The following ZNF701 variants were observed in gnomAD, a reference collection of about 807,000 sequenced individuals.
ZNF701 encodes zinc finger protein 701.
ZNF701 carries 6 observed loss-of-function variants against 7.1 expected under a neutral mutation model. The observed-to-expected ratio is 0.84, with a 90% CI of 0.46 to 1.66. The LOEUF is 1.66. Ranked by LOEUF, ZNF701 falls within the 40% of genes most tolerant of loss-of-function variation. ZNF701 has a pLI of 0.01. For missense variants in ZNF701, 541 were observed against 559.2 expected, an observed-to-expected ratio of 0.97 and a Z score of 0.33; for synonymous variants, 166 against 188.2, an observed-to-expected ratio of 0.88 and a Z score of 0.97.
Position 52,586,775 on chromosome 19 carries a change from T to C in ZNF701, c.*3318T>C, listed in dbSNP as rs1298822275. 6.6e-6 allele frequency: 1 copy of C among 152,160 alleles called. No homozygotes were observed. The highest frequency in any genetic ancestry group is 1.5e-5 in the Non-Finnish European group (1 of 68,038). The allele number at this position is 152,160 out of a possible 1,614,324, so 9.4% of individuals were successfully genotyped here. A position where few individuals can be genotyped will look rare whatever the true frequency, so the allele number is the denominator to read the frequency against. On this transcript the variant is annotated 3_prime_UTR_variant, in exon 4 of 4. Coordinates refer to ENST00000391785, the MANE Select transcript of ZNF701 (RefSeq NM_018260.3). ...AGAGTGACACTGACCCCTGAAATGA[T>C]GGGCACAATGGAGTGTGTGGCTTTT... is the stretch of plus-strand genomic sequence containing the variant.
chr19:52,595,791 G>C, the ZNF701 span: 1 of 1,603,406 alleles, frequency 6.2e-7, no homozygotes, highest in Admixed American at 1.7e-5. Context: ...GAAATTTAAA[G>C]AAATGGCCAT....
chr19:52,571,783 A>G (rs1264764475), intron 1 of ZNF701, among the ~76,000 whole-genome samples: 1 of 150,656 alleles, frequency 6.6e-6, no homozygotes, highest in Non-Finnish European at 1.5e-5. Flanking sequence ...CTTGTTGCCC[A>G]GGCTGGAGTG....
rs1292349566 is a variant in ZNF701 at position 52,584,961 on chromosome 19, G to C, written c.*1504G>C. The C allele has an allele frequency of 6.6e-6, 1 of 152,326 alleles. No homozygotes were observed. The highest frequency in any genetic ancestry group is 1.9e-4 in the East Asian group (1 of 5,184). The allele number at this position is 152,326 out of a possible 1,614,324, so 9.4% of individuals were successfully genotyped here. ...AAGCTGATGGCATGGACTGAAGGTT[G>C]CCCCGTTGAGTTTGCGCTTCCCAGT... On this transcript the variant is annotated 3_prime_UTR_variant, in exon 4 of 4. Transcript: ENST00000391785.
chr19:52,592,322 C>G, the ZNF701 span: 4 of 1,261,866 alleles, frequency 3.2e-6, no homozygotes, highest in Non-Finnish European at 4.4e-6. Context: ...TTGCCCCATA[C>G]ATGCTTTTCA....
the ZNF701 span, chr19:52,595,583 T>A: frequency 2.1e-6 from 2 of 944,110 alleles, no homozygotes; most frequent in Non-Finnish European, 3.1e-6. Flanking sequence ...CATCTGTACT[T>A]AATTGGAAAC....
chr19:52,581,217 G>A (rs762126652), intron 3 of ZNF701, among the ~76,000 whole-genome samples: 45 of 152,110 alleles, frequency 3.0e-4, no homozygotes, highest in Non-Finnish European at 5.4e-4. Context: ...AGAAAAATAC[G>A]GTGTTAACAT....
chr19:52,584,072 C>G lies in ZNF701; in HGVS notation c.*615C>G. On this transcript the variant is annotated 3_prime_UTR_variant, in exon 4 of 4. Transcript: ENST00000391785. Reference sequence around the variant, plus strand: ...ATGATTGTGAGCAAAGCCTTTACTTCACGTTCACACCACATTAGATATCAG... The same window carrying G: ...ATGATTGTGAGCAAAGCCTTTACTTGACGTTCACACCACATTAGATATCAG... The G allele has an allele frequency of 2.2e-6, 1 of 446,936 alleles. No homozygotes were observed. The highest frequency in any genetic ancestry group is 6.5e-5 in the East Asian group (1 of 15,376). The allele number at this position is 446,936 out of a possible 1,614,324, so 27.7% of individuals were successfully genotyped here.
intron 1 of ZNF701, among the ~76,000 whole-genome samples, chr19:52,571,657 G>T (rs1450927685): frequency 1.3e-5 from 2 of 151,972 alleles, no homozygotes; most frequent in Non-Finnish European, 1.5e-5. Flanking sequence ...ACCGCACCTG[G>T]CCACCCAAGC....
chr19:52,580,136 G>A (rs1286508821), intron 3 of ZNF701, among the ~76,000 whole-genome samples: 1 of 140,110 alleles, frequency 7.1e-6, no homozygotes, highest in Admixed American at 6.8e-5. Context: ...GTAGAGATGG[G>A]GTTTCTCTGT....
chr19:52,574,582 G>A lies in ZNF701; in HGVS notation c.15+420G>A, dbSNP rs561646674. ...AATTCTAGAAAAGGAGACCAATAAG[G>A]GAAAATCTTTTCTCCCTAATTTTAT... On this transcript the variant is annotated intron_variant, in intron 2 of 3. Coordinates refer to ENST00000391785, the MANE Select transcript of ZNF701 (RefSeq NM_018260.3). Among the ~76,000 whole-genome samples, 5 of 152,144 alleles carry A rather than the reference G, an allele frequency of 3.3e-5. No individual in the cohort carries two copies. In the South Asian group the frequency reaches 1.0e-3, roughly 32 times the overall value.
At position 52,585,976 on chromosome 19, in the gene ZNF701, C is replaced by G. The variant is rs916609930; in HGVS notation, c.*2519C>G. 1 of 151,962 alleles carries G rather than the reference C, an allele frequency of 6.6e-6. No homozygotes were observed. Among genetic ancestry groups the G allele is most frequent in the Non-Finnish European group, 1.5e-5 (1 of 68,100 alleles). 9.4% of individuals were successfully genotyped at this position (151,962 alleles called of 1,614,324 possible). A position where few individuals can be genotyped will look rare whatever the true frequency, so the allele number is the denominator to read the frequency against. ...CCTTTTAGTCTAGTTTTGGAAAGTTCGCGTTAATTGGTTTTAGATTCCCTG... is the reference window on the plus strand; with the variant it reads ...CCTTTTAGTCTAGTTTTGGAAAGTTGGCGTTAATTGGTTTTAGATTCCCTG... On this transcript the variant is annotated 3_prime_UTR_variant, in exon 4 of 4. Coordinates refer to ENST00000391785, the MANE Select transcript of ZNF701 (RefSeq NM_018260.3).
chr19:52,581,684 T>C (rs986148837), intron 3 of ZNF701, among the ~76,000 whole-genome samples: 5 of 152,206 alleles, frequency 3.3e-5, no homozygotes, highest in African/African-American at 1.2e-4. Flanking sequence ...ACCTGCCTAA[T>C]TTTTGTAATA....
chr19:52,583,034 TTACAA>T lies in ZNF701; in HGVS notation c.976_980del (p.Tyr326MetfsTer2). 19 of 1,613,760 alleles carry T rather than the reference TTACAA, an allele frequency of 1.2e-5. No individual in the cohort carries two copies. The highest frequency in any genetic ancestry group is 1.6e-5 in the Non-Finnish European group (19 of 1,179,932). On this transcript the variant is annotated frameshift_variant, in exon 4 of 4. Coordinates refer to ENST00000391785, the MANE Select transcript of ZNF701 (RefSeq NM_018260.3). LOFTEE classifies it low-confidence loss of function (END_TRUNC). ...ATAGAGTTCATACTGGAGAGAAACC[TTACAA>T]ATGTGAAGAATGTGACAAAGTTTTC...
At chr19:52,597,443 A>G in the ZNF701 span, 1 of 467,054 alleles carries the variant, frequency 2.1e-6, no homozygotes, top group Admixed American at 2.4e-5. Context: ...GTGACTATAG[A>G]AGATCATAAA....
chr19:52,593,134 T>C, the ZNF701 span, among the ~76,000 whole-genome samples: 6 of 118,384 alleles, frequency 5.1e-5, 1 homozygote, highest in Non-Finnish European at 9.2e-5. Context: ...GGCAGAAGAA[T>C]TTTTCTTAGT....
chr19:52,592,914 G>C, the ZNF701 span, among the ~76,000 whole-genome samples: 28 of 117,000 alleles, frequency 2.4e-4, 9 homozygotes, highest in Admixed American at 1.8e-3. Context: ...TTCCTAGGCA[G>C]AGGACCCTGC....
Position 52,582,801 on chromosome 19 carries a change from TGC to T in ZNF701, c.744_745del (p.Cys248TrpfsTer14). 6.2e-7 allele frequency: 1 copy of T among 1,614,192 alleles called. No homozygotes were observed. The highest frequency in any genetic ancestry group is 8.5e-7 in the Non-Finnish European group (1 of 1,180,032). Reference sequence around the variant, plus strand: ...AGACAAACAGTATAAATGTGATGTATGCGGCAAGGACTTTCATCAGAAGCGAT... The same window carrying T: ...AGACAAACAGTATAAATGTGATGTATGGCAAGGACTTTCATCAGAAGCGAT... ...LGDKQYKCDV[C>X]GKDFHQKRYL... On this transcript the variant is annotated frameshift_variant, in exon 4 of 4. Coordinates refer to ENST00000391785, the MANE Select transcript of ZNF701 (RefSeq NM_018260.3). LOFTEE classifies it low-confidence loss of function (END_TRUNC).
At chr19:52,576,383 A>T (rs1181811047) in intron 3 of ZNF701, among the ~76,000 whole-genome samples, 1 of 152,000 alleles carries the variant, frequency 6.6e-6, no homozygotes, top group Admixed American at 6.6e-5. Flanking sequence ...TCTACTAAAA[A>T]CACAAAAATT....
At chr19:52,573,383 A>G (rs115853521) in intron 1 of ZNF701, among the ~76,000 whole-genome samples, 14,480 of 152,074 alleles carry the variant, frequency 0.095, 767 homozygotes, top group Middle Eastern at 0.2. Context: ...GGGCTTACCA[A>G]TGCCCACCAA....
Sources: gnomAD v4.1 joint callset for allele counts (sites outside exome capture counted in the v4.1 genomes callset) on GRCh38, gnomAD v4.1.1 for gene constraint, MANE v1.5 for transcripts, NCBI Gene and HGNC (gene_info 2026-07-23, HGNC 2026-07-21) for gene names.